Variants in TACC1 observed in about 807,000 individuals in gnomAD.
TACC1 encodes transforming acidic coiled-coil-containing protein 1.
Under a neutral mutation model 84.4 loss-of-function variants are expected in TACC1, and 48 were observed. The ratio of observed to expected loss-of-function variants is 0.57; its 90% CI spans 0.45 to 0.72. TACC1 has a LOEUF of 0.72. TACC1 is among the 30% of genes least tolerant of loss of function. The probability of loss-of-function intolerance (pLI) is 0.00; values close to 1 mark genes in which losing one functional copy is unlikely to be tolerated. For missense variants in TACC1, 920 were observed against 973.0 expected, an observed-to-expected ratio of 0.95 and a Z score of 0.72; for synonymous variants, 372 against 376.3, an observed-to-expected ratio of 0.99 and a Z score of 0.13.
Position 38,756,850 on chromosome 8 carries a change from C to T in TACC1, c.26+11357C>T, listed in dbSNP as rs1022666746. On this transcript the variant is annotated intron_variant, in intron 3 of 14. Transcript: ENST00000518415. Reference sequence around the variant, plus strand: ...TGCAGGGCCGCCTGGGTCCCCTGACCCCGTCACACACCGCCCCCTCCTGCT... The same window carrying T: ...TGCAGGGCCGCCTGGGTCCCCTGACTCCGTCACACACCGCCCCCTCCTGCT... 2.0e-5 allele frequency among the ~76,000 whole-genome samples: 3 copies of T among 150,888 alleles called. No individual in the cohort carries two copies. The South Asian group carries it at 6.2e-4, about 31-fold the overall frequency.
chr8:38,824,170 A>C (rs1386010079), intron 3 of TACC1: 2 of 619,060 alleles, frequency 3.2e-6, no homozygotes, highest in East Asian at 5.5e-5. Flanking sequence ...CAGTCACTTC[A>C]TGAGTCAGCT....
intron 2 of TACC1, among the ~76,000 whole-genome samples, chr8:38,802,473 G>A (rs1367568537): frequency 1.3e-5 from 2 of 152,220 alleles, no homozygotes; most frequent in Admixed American, 1.3e-4. Context: ...GATGATCTGA[G>A]CTGGAACAGT....
intron 3 of TACC1, among the ~76,000 whole-genome samples, chr8:38,758,633 C>A (rs1336106832): frequency 1.5e-5 from 2 of 129,882 alleles, no homozygotes; most frequent in Non-Finnish European, 3.1e-5. Flanking sequence ...GAGCCAAGAT[C>A]GGGCCACTGC....
chr8:38,826,182 G>T (rs1253077292), intron 4 of TACC1, among the ~76,000 whole-genome samples: 3 of 152,100 alleles, frequency 2.0e-5, no homozygotes, highest in African/African-American at 7.2e-5. Flanking sequence ...GGTATATGGT[G>T]TAAGATGTAA....
At chr8:38,837,105 C>CTTT (rs11414868) in intron 7 of TACC1, among the ~76,000 whole-genome samples, 18 of 120,894 alleles carry the variant, frequency 1.5e-4, no homozygotes, top group South Asian at 8.2e-4. Context: ...CCACCAAAAT[C>CTTT]TTTTTTTTTT....
intron 3 of TACC1, chr8:38,757,202 G>A (rs1242307936): frequency 6.8e-6 from 5 of 732,354 alleles, no homozygotes; most frequent in African/African-American, 1.9e-5. Flanking sequence ...GGACCCTACG[G>A]CCGGGCGCCC....
At chr8:38,821,619 G>A (rs1486062302) in intron 3 of TACC1, among the ~76,000 whole-genome samples, 1 of 152,098 alleles carries the variant, frequency 6.6e-6, no homozygotes, top group Non-Finnish European at 1.5e-5. Flanking sequence ...ATCTCTCCTG[G>A]GAAATTATCT....
chr8:38,820,763 ATGT>A, intron 3 of TACC1, 128 bp downstream of exon 3: 1 of 1,290,308 alleles, frequency 7.8e-7, no homozygotes. Flanking sequence ...AAAGCTTATA[ATGT>A]TATCCTGCAG....
intron 6 of TACC1, among the ~76,000 whole-genome samples, chr8:38,832,166 G>T (rs1471663016): frequency 6.6e-6 from 1 of 152,218 alleles, no homozygotes; most frequent in African/African-American, 2.4e-5. Flanking sequence ...TCCATAAAAT[G>T]AGTAGCACCC....
chr8:38,751,352 C>T (rs116824910), intron 3 of TACC1, among the ~76,000 whole-genome samples: 7 of 152,330 alleles, frequency 4.6e-5, no homozygotes, highest in South Asian at 2.1e-4. Flanking sequence ...GAGGCTAAGC[C>T]GTGTGCTATA....
intron 2 of TACC1, among the ~76,000 whole-genome samples, chr8:38,793,738 C>A (rs1210173106): frequency 6.6e-6 from 1 of 152,152 alleles, no homozygotes; most frequent in Non-Finnish European, 1.5e-5. Context: ...TGAACCACCA[C>A]TGTCATCCCC....
chr8:38,796,859 T>C (rs764627907), intron 2 of TACC1, among the ~76,000 whole-genome samples: 22 of 152,236 alleles, frequency 1.4e-4, no homozygotes, highest in Non-Finnish European at 2.6e-4. Flanking sequence ...GATCTCTGGC[T>C]GCATAACAAA....
intron 3 of TACC1, among the ~76,000 whole-genome samples, chr8:38,753,219 G>A (rs760518345): frequency 6.6e-6 from 1 of 151,910 alleles, no homozygotes; most frequent in Non-Finnish European, 1.5e-5. Flanking sequence ...CCTACTTCAC[G>A]CTCCTGAGTA....
chr8:38,845,276 C>A (rs1832007010), intron 11 of TACC1, among the ~76,000 whole-genome samples: 1 of 152,150 alleles, frequency 6.6e-6, no homozygotes, highest in Admixed American at 6.5e-5. Context: ...CATTTTGCTG[C>A]CTAAATTTCT....
chr8:38,851,826 C>G lies in TACC1; in HGVS notation c.*3803C>G. 1 of 428,894 alleles carries G rather than the reference C, an allele frequency of 2.3e-6. No individual in the cohort carries two copies. The highest frequency in any genetic ancestry group is 4.7e-6 in the Non-Finnish European group (1 of 213,320). The allele number at this position is 428,894 out of a possible 1,614,324, so 26.6% of individuals were successfully genotyped here. A position where few individuals can be genotyped will look rare whatever the true frequency, so the allele number is the denominator to read the frequency against. On this transcript the variant is annotated 3_prime_UTR_variant, in exon 13 of 13. Transcript: ENST00000317827. ...AACAGATTATTTGCTTATGAAAGAA[C>G]AATATAGTCTGGGAATCCCAGAATG... is the stretch of plus-strand genomic sequence containing the variant.
intron 3 of TACC1, chr8:38,824,600 G>A (rs562750820): frequency 6.6e-6 from 1 of 152,506 alleles, no homozygotes; most frequent in South Asian, 2.1e-4. Flanking sequence ...TCACAGTGGT[G>A]TTTTTCCTGG....
At chr8:38,833,350 C>G (rs1829626675) in intron 6 of TACC1, among the ~76,000 whole-genome samples, 1 of 152,216 alleles carries the variant, frequency 6.6e-6, no homozygotes, top group Non-Finnish European at 1.5e-5. Flanking sequence ...ATGTTCTGCA[C>G]TTTTTGATAA....
chr8:38,778,530 C>T (rs962935994), intron 3 of TACC1, among the ~76,000 whole-genome samples: 1 of 152,206 alleles, frequency 6.6e-6, no homozygotes, highest in African/African-American at 2.4e-5. Flanking sequence ...CTCTTTTGTT[C>T]TCTGGGCAGA....
intron 3 of TACC1, among the ~76,000 whole-genome samples, chr8:38,746,186 TA>T (rs1482061240): frequency 6.6e-6 from 1 of 152,162 alleles, no homozygotes; most frequent in Non-Finnish European, 1.5e-5. Flanking sequence ...TGATGAAGTT[TA>T]AAAATTAAGA....
Sources: allele counts gnomAD v4.1 joint callset (sites outside exome capture counted in the v4.1 genomes callset), GRCh38; gene constraint gnomAD v4.1.1; transcripts MANE v1.5; gene names NCBI Gene and HGNC (gene_info 2026-07-23, HGNC 2026-07-21).